The following ZNF385D variants were observed in gnomAD, a reference collection of about 807,000 sequenced individuals.
The protein encoded by ZNF385D is zinc finger protein 659.
Under a neutral mutation model 35.8 loss-of-function variants are expected in ZNF385D, and 15 were observed. The ratio of observed to expected loss-of-function variants is 0.42; its 90% CI spans 0.28 to 0.64. ZNF385D has a LOEUF of 0.64. Ranked by LOEUF, ZNF385D falls within the 30% of genes least tolerant of loss-of-function variation. The pLI, the probability that ZNF385D is intolerant of heterozygous loss-of-function variation, is 0.23. For synonymous variants in ZNF385D, 212 were observed against 186.8 expected, an observed-to-expected ratio of 1.13 and a Z score of -1.10; for missense variants, 474 against 494.6, an observed-to-expected ratio of 0.96 and a Z score of 0.39.
At chr3:21,600,453 C>T (rs540434310) in intron 2 of ZNF385D, among the ~76,000 whole-genome samples, 2 of 152,290 alleles carry the variant, frequency 1.3e-5, no homozygotes, top group South Asian at 4.1e-4. Flanking sequence ...CTCTCAATAA[C>T]ATCTGAAAAC....
At chr3:22,023,505 T>A (rs1167975673) in intron 3 of ZNF385D, among the ~76,000 whole-genome samples, 1 of 152,164 alleles carries the variant, frequency 6.6e-6, no homozygotes, top group African/African-American at 2.4e-5. Context: ...AAAACCCATC[T>A]TTGCTGAGAA....
At chr3:21,878,472 A>G (rs1025445294) in intron 3 of ZNF385D, among the ~76,000 whole-genome samples, 1 of 152,090 alleles carries the variant, frequency 6.6e-6, no homozygotes, top group Non-Finnish European at 1.5e-5. Flanking sequence ...GTATGTTTAC[A>G]GAAAAGTGTA....
intron 3 of ZNF385D, among the ~76,000 whole-genome samples, chr3:21,779,859 TC>T (rs1441888887): frequency 6.6e-6 from 1 of 151,994 alleles, no homozygotes; most frequent in Non-Finnish European, 1.5e-5. Flanking sequence ...AATAATTTAT[TC>T]TTTTTGTGGT....
rs4044583 is a variant in ZNF385D, at chr3:21,905,689, A to AATATATATAT, written c.326-240671_326-240662dup. On this transcript the variant is annotated intron_variant, in intron 3 of 5. Transcript: ENST00000494108. ...AGGTTATTCAAGGATCATCTGTGGT[A>AATATATATAT]ATATATATATATATATATATATTCA... Among the ~76,000 whole-genome samples, 893 of 148,802 alleles carry AATATATATAT rather than the reference A, an allele frequency of 6.0e-3. 11 individuals carry two copies. Among genetic ancestry groups the AATATATATAT allele is most frequent in the South Asian group, 0.05 (235 of 4,716 alleles).
chr3:22,217,995 T>C (rs1237620885), intron 2 of ZNF385D, among the ~76,000 whole-genome samples: 1 of 152,128 alleles, frequency 6.6e-6, no homozygotes, highest in Admixed American at 6.6e-5. Flanking sequence ...AGGTTAACGC[T>C]GAAAGGTTAA....
chr3:22,303,939 G>A (rs59975242), intron 2 of ZNF385D, among the ~76,000 whole-genome samples: 9,503 of 151,996 alleles, frequency 0.063, 774 homozygotes, highest in African/African-American at 0.19. Flanking sequence ...CACCACGCCC[G>A]GCTAATTTTT....
At chr3:22,117,318 G>C (rs767224650) in intron 3 of ZNF385D, among the ~76,000 whole-genome samples, 19 of 152,028 alleles carry the variant, frequency 1.2e-4, no homozygotes, top group Non-Finnish European at 2.4e-4. Flanking sequence ...TTCCTTCCAA[G>C]ATAAGCAGGT....
chr3:22,178,900 T>C (rs1018350325), intron 2 of ZNF385D, among the ~76,000 whole-genome samples: 4 of 152,338 alleles, frequency 2.6e-5, no homozygotes, highest in African/African-American at 2.4e-5. Context: ...GTTGTAGATA[T>C]GTGGCATTAT....
intron 3 of ZNF385D, among the ~76,000 whole-genome samples, chr3:21,772,945 C>T (rs1015347171): frequency 1.3e-5 from 2 of 151,728 alleles, no homozygotes; most frequent in African/African-American, 4.8e-5. Context: ...AGTGAAATAG[C>T]CAATCACTAA....
chr3:21,581,125 G>C (rs746102199), intron 2 of ZNF385D, among the ~76,000 whole-genome samples: 3 of 152,112 alleles, frequency 2.0e-5, no homozygotes, highest in African/African-American at 7.2e-5. Context: ...AACTAGCCAG[G>C]TCTACATTTC....
intron 3 of ZNF385D, among the ~76,000 whole-genome samples, chr3:21,861,162 C>T (rs543964763): frequency 1.1e-4 from 16 of 152,226 alleles, no homozygotes; most frequent in African/African-American, 3.1e-4. Flanking sequence ...GGACAGTCCC[C>T]GCTTCAGCTT....
chr3:22,025,524 T>C (rs1429440234), intron 3 of ZNF385D, among the ~76,000 whole-genome samples: 1 of 151,936 alleles, frequency 6.6e-6, no homozygotes, highest in Admixed American at 6.6e-5. Flanking sequence ...AAACATAGAG[T>C]TGGATCAGGG....
chr3:21,564,431 C>A, intron 3 of ZNF385D, 143 bp downstream of exon 3: 1 of 465,446 alleles, frequency 2.1e-6, no homozygotes. Flanking sequence ...AAAATTAAAG[C>A]ACATAGTGAG....
intron 2 of ZNF385D, among the ~76,000 whole-genome samples, chr3:22,356,159 G>A (rs953161141): frequency 1.3e-5 from 2 of 151,990 alleles, no homozygotes; most frequent in African/African-American, 4.8e-5. Context: ...TGTGGAGGTG[G>A]AAATCAAGAC....
intron 3 of ZNF385D, among the ~76,000 whole-genome samples, chr3:22,030,268 T>TACATAC (rs1697864899): frequency 3.8e-5 from 3 of 79,164 alleles, no homozygotes; most frequent in African/African-American, 1.8e-4. Flanking sequence ...TATATATATA[T>TACATAC]ATATATATAT....
At chr3:22,372,165 CTG>C (rs774975694) in intron 2 of ZNF385D, among the ~76,000 whole-genome samples, 1 of 152,090 alleles carries the variant, frequency 6.6e-6, no homozygotes, top group African/African-American at 2.4e-5. Context: ...CGGCAATGAG[CTG>C]TGACCTGAGA....
chr3:21,526,537 C>T (rs1166520792), intron 3 of ZNF385D, among the ~76,000 whole-genome samples: 1 of 151,978 alleles, frequency 6.6e-6, no homozygotes, highest in African/African-American at 2.4e-5. Flanking sequence ...AACATGCAGC[C>T]ATGGAGATAG....
At chr3:21,437,962 C>G (rs3849537) in intron 4 of ZNF385D, among the ~76,000 whole-genome samples, 1 of 151,868 alleles carries the variant, frequency 6.6e-6, no homozygotes, top group Non-Finnish European at 1.5e-5. Context: ...GATGGCCACA[C>G]CATGCTGTTG....
At chr3:22,134,796 A>AAG (rs1267092956) in intron 3 of ZNF385D, among the ~76,000 whole-genome samples, 4 of 152,108 alleles carry the variant, frequency 2.6e-5, no homozygotes, top group Non-Finnish European at 5.9e-5. Context: ...GTAGAAGGAC[A>AAG]AGAGAGAGAG....
Sources: gnomAD v4.1 joint callset for allele counts (sites outside exome capture counted in the v4.1 genomes callset) on GRCh38, gnomAD v4.1.1 for gene constraint, MANE v1.5 for transcripts, NCBI Gene and HGNC (gene_info 2026-07-23, HGNC 2026-07-21) for gene names.